Variants in PACRG observed in about 807,000 individuals in gnomAD.
PACRG encodes parkin coregulated gene protein.
Under a neutral mutation model 29.7 loss-of-function variants are expected in PACRG, and 29 were observed. That is an observed-to-expected ratio of 0.98 (90% CI 0.73 to 1.33). PACRG has a LOEUF of 1.33. Ranked by LOEUF, PACRG falls within the 40% of genes most tolerant of loss-of-function variation. The pLI is 0.00. For synonymous variants in PACRG, 116 were observed against 118.7 expected (o/e 0.98, Z 0.15); for missense variants, 279 against 316.2 (o/e 0.88, Z 0.89).
chr6:163,221,512 T>C (rs1396758666), intron 4 of PACRG, among the ~76,000 whole-genome samples: 1 of 152,262 alleles, frequency 6.6e-6, no homozygotes, highest in Admixed American at 6.5e-5. Flanking sequence ...AGGGAGGTAC[T>C]TTCATGGTTG....
intron 2 of PACRG, among the ~76,000 whole-genome samples, chr6:162,817,150 C>CA (rs1787428048): frequency 6.6e-6 from 1 of 152,208 alleles, no homozygotes; most frequent in African/African-American, 2.4e-5. Context: ...TAAACCCCGG[C>CA]ACAGGCTGCC....
chr6:162,937,908 T>A (rs1046882224), intron 2 of PACRG, among the ~76,000 whole-genome samples: 5 of 152,082 alleles, frequency 3.3e-5, no homozygotes, highest in African/African-American at 7.2e-5. Flanking sequence ...TTTTTTTTTT[T>A]ATTTTCATAG....
At chr6:163,079,859 C>T (rs1221525146) in intron 3 of PACRG, among the ~76,000 whole-genome samples, 1 of 146,974 alleles carries the variant, frequency 6.8e-6, no homozygotes, top group Non-Finnish European at 1.5e-5. Flanking sequence ...GACACCTTTT[C>T]TCAACCAGAA....
At chr6:162,837,663 T>C (rs943469186) in intron 2 of PACRG, among the ~76,000 whole-genome samples, 1 of 152,196 alleles carries the variant, frequency 6.6e-6, no homozygotes, top group Non-Finnish European at 1.5e-5. Flanking sequence ...GGTAGACTTA[T>C]CTCAATTAAG....
chr6:162,947,617 T>TATATATATATATATATAATC (rs1799300530), intron 2 of PACRG, among the ~76,000 whole-genome samples: 5 of 38,336 alleles, frequency 1.3e-4, no homozygotes, highest in African/African-American at 5.4e-4. Flanking sequence ...TAATCATATA[T>TATATATATATATATATAATC]ATATATATAT....
intron 4 of PACRG, among the ~76,000 whole-genome samples, chr6:163,308,934 C>T (rs951053068): frequency 1.3e-5 from 2 of 152,098 alleles, no homozygotes; most frequent in African/African-American, 2.4e-5. Context: ...TTTACTTGGG[C>T]CTTAAAGCTC....
chr6:163,143,859 G>C (rs1054588232), intron 4 of PACRG, among the ~76,000 whole-genome samples: 1 of 152,224 alleles, frequency 6.6e-6, no homozygotes, highest in East Asian at 1.9e-4. Context: ...AAGACCAAGA[G>C]GTCGGTGTGG....
At chr6:163,068,239 A>T (rs1413102392) in intron 3 of PACRG, among the ~76,000 whole-genome samples, 1 of 152,158 alleles carries the variant, frequency 6.6e-6, no homozygotes. Flanking sequence ...TATATTTTTT[A>T]GTTCTTGCAT....
At chr6:163,143,389 C>T (rs1585261901) in intron 4 of PACRG, among the ~76,000 whole-genome samples, 2 of 152,160 alleles carry the variant, frequency 1.3e-5, no homozygotes, top group Non-Finnish European at 1.5e-5. Context: ...TTATTTCACA[C>T]GTTGTAGTGA....
intron 1 of PACRG, among the ~76,000 whole-genome samples, chr6:162,786,988 C>T (rs543885504): frequency 2.8e-4 from 42 of 152,040 alleles, no homozygotes; most frequent in South Asian, 1.2e-3. Context: ...TTAAATTATA[C>T]GAAAGAGTAG....
intron 4 of PACRG, among the ~76,000 whole-genome samples, chr6:163,218,810 G>T (rs556005871): frequency 2.6e-5 from 4 of 152,310 alleles, no homozygotes; most frequent in Admixed American, 2.6e-4. Context: ...CTCTCAACAT[G>T]TATATAGCCC....
intron 4 of PACRG, among the ~76,000 whole-genome samples, chr6:163,164,914 G>GGTAT (rs1778725453): frequency 6.6e-6 from 1 of 152,130 alleles, no homozygotes; most frequent in African/African-American, 2.4e-5. Context: ...GCATGCTCAG[G>GGTAT]GTATGTATGT....
intron 2 of PACRG, among the ~76,000 whole-genome samples, chr6:163,001,855 A>G (rs1222703261): frequency 6.6e-6 from 1 of 152,196 alleles, no homozygotes; most frequent in Non-Finnish European, 1.5e-5. Context: ...ACAGAACATT[A>G]TTATATACAT....
chr6:163,093,960 A>C (rs1027909859), intron 4 of PACRG, among the ~76,000 whole-genome samples: 1 of 152,250 alleles, frequency 6.6e-6, no homozygotes, highest in Non-Finnish European at 1.5e-5. Context: ...AACGGCTTCT[A>C]AGAAATAGAA....
At chr6:162,727,176 G>C (rs1779267607), upstream of PACRG, 1 of 155,518 alleles carries the variant, frequency 6.4e-6, no homozygotes, top group Non-Finnish European at 1.4e-5. Context: ...ACCCTCACCA[G>C]GTGCCTTCCA....
chr6:163,148,697 C>T (rs1777907904), intron 4 of PACRG, among the ~76,000 whole-genome samples: 1 of 152,134 alleles, frequency 6.6e-6, no homozygotes, highest in Non-Finnish European at 1.5e-5. Context: ...CAGCTCTTTC[C>T]CATCTGCCTC....
chr6:162,772,667 A>T (rs953157017), intron 1 of PACRG, among the ~76,000 whole-genome samples: 1 of 152,198 alleles, frequency 6.6e-6, no homozygotes, highest in Admixed American at 6.5e-5. Context: ...GTGGTGAATG[A>T]TGAGGAGTTT....
chr6:163,113,245 T>C (rs1425923118), intron 4 of PACRG, among the ~76,000 whole-genome samples: 1 of 151,588 alleles, frequency 6.6e-6, no homozygotes, highest in Non-Finnish European at 1.5e-5. Flanking sequence ...GGACAAAGAG[T>C]GAGGGACCTG....
chr6:162,896,472 G>A (rs1161287435), intron 2 of PACRG, among the ~76,000 whole-genome samples: 7 of 152,192 alleles, frequency 4.6e-5, no homozygotes, highest in African/African-American at 1.7e-4. Context: ...GCAGACCCAC[G>A]AGGGTGGTAG....
Sources: allele counts gnomAD v4.1 joint callset (sites outside exome capture counted in the v4.1 genomes callset), GRCh38; gene constraint gnomAD v4.1.1; transcripts MANE v1.5; gene names NCBI Gene and HGNC (gene_info 2026-07-23, HGNC 2026-07-21).